Variants in SHROOM3 observed in about 807,000 individuals in gnomAD.
SHROOM3 encodes the protein shroom family member 3.
SHROOM3 carries 47 observed loss-of-function variants against 138.6 expected under a neutral mutation model. That is an observed-to-expected ratio of 0.34 (90% CI 0.27 to 0.43). The LOEUF (loss-of-function observed/expected upper bound fraction) is 0.43, where lower values mean the gene tolerates loss of function less well. Ranked by LOEUF, SHROOM3 falls within the 20% of genes least tolerant of loss-of-function variation. The pLI is 1.00. For synonymous variants in SHROOM3, 1,062 were observed against 1,063.3 expected, an observed-to-expected ratio of 1.00 and a Z score of 0.02; for missense variants, 2,491 against 2,596.5, an observed-to-expected ratio of 0.96 and a Z score of 0.88.
chr4:76,548,338 G>C (rs1733271326), intron 1 of SHROOM3, among the ~76,000 whole-genome samples: 1 of 152,176 alleles, frequency 6.6e-6, no homozygotes, highest in Non-Finnish European at 1.5e-5. Context: ...GTGTGATGAG[G>C]AGGGTCACAG....
Position 76,547,852 on chromosome 4 carries a change from C to T in SHROOM3, c.169-7757C>T, listed in dbSNP as rs1733257251. 2.6e-5 allele frequency among the ~76,000 whole-genome samples: 4 copies of T among 151,854 alleles called. No homozygotes were observed. In the South Asian group the frequency reaches 8.3e-4, roughly 32 times the overall value. On this transcript the variant is annotated intron_variant, in intron 1 of 10. Coordinates refer to ENST00000296043, the MANE Select transcript of SHROOM3 (RefSeq NM_020859.4). ...CACTGAGGCAGGAGAATCACTTGAA[C>T]CCAGGAAGCAGAGGTTGCAGTGAGC...
intron 2 of SHROOM3, among the ~76,000 whole-genome samples, chr4:76,673,993 C>T (rs1457837984): frequency 6.6e-6 from 1 of 152,154 alleles, no homozygotes; most frequent in Admixed American, 6.5e-5. Flanking sequence ...CTGCCTCAGA[C>T]TCCCAAGTAG....
intron 1 of SHROOM3, among the ~76,000 whole-genome samples, chr4:76,497,119 A>G (rs182648316): frequency 6.6e-6 from 1 of 152,192 alleles, no homozygotes; most frequent in South Asian, 2.1e-4. Flanking sequence ...TAGCTGTGTG[A>G]TCTTGGACAA....
At chr4:76,511,133 G>C (rs1405601025) in intron 1 of SHROOM3, among the ~76,000 whole-genome samples, 1 of 151,574 alleles carries the variant, frequency 6.6e-6, no homozygotes, top group Admixed American at 6.6e-5. Flanking sequence ...AGTGAGCCAA[G>C]ATCACGCCAC....
At chr4:76,639,387 T>A in intron 2 of SHROOM3, 1 of 392,822 alleles carries the variant, frequency 2.5e-6, no homozygotes, top group Non-Finnish European at 4.5e-6. Context: ...CAGCAAGGTC[T>A]ATTGCTGCAA....
intron 1 of SHROOM3, among the ~76,000 whole-genome samples, chr4:76,441,752 C>T (rs368788758): frequency 7.0e-4 from 106 of 151,734 alleles, no homozygotes; most frequent in African/African-American, 2.4e-3. Context: ...GATAGAGTTT[C>T]GCTCTTGTTG....
chr4:76,603,909 C>T (rs949073675), intron 2 of SHROOM3, among the ~76,000 whole-genome samples: 1 of 139,084 alleles, frequency 7.2e-6, no homozygotes, highest in Non-Finnish European at 1.5e-5. Context: ...GTGGCGCGAT[C>T]TCAGCTCACT....
At chr4:76,670,530 T>TA (rs1389911964) in intron 2 of SHROOM3, among the ~76,000 whole-genome samples, 1 of 152,218 alleles carries the variant, frequency 6.6e-6, no homozygotes, top group Non-Finnish European at 1.5e-5. Context: ...ATCCATTTAC[T>TA]AAAAATCATT....
chr4:76,482,953 A>T (rs1037697567), intron 1 of SHROOM3, among the ~76,000 whole-genome samples: 5 of 152,244 alleles, frequency 3.3e-5, no homozygotes, highest in Non-Finnish European at 7.3e-5. Flanking sequence ...CCATATGCAG[A>T]AAACTGAAAC....
At chr4:76,677,827 T>C (rs1719084057) in intron 2 of SHROOM3, among the ~76,000 whole-genome samples, 1 of 152,194 alleles carries the variant, frequency 6.6e-6, no homozygotes, top group South Asian at 2.1e-4. Flanking sequence ...ACATCCGGCT[T>C]GGAGTAGAAC....
intron 10 of SHROOM3, among the ~76,000 whole-genome samples, chr4:76,778,528 TG>T (rs1722648085): frequency 1.3e-5 from 2 of 152,156 alleles, no homozygotes; most frequent in Non-Finnish European, 1.5e-5. Context: ...AGCTGATGAT[TG>T]GTTTTTAAAG....
At chr4:76,626,643 T>A (rs971126978) in intron 2 of SHROOM3, among the ~76,000 whole-genome samples, 7 of 152,200 alleles carry the variant, frequency 4.6e-5, no homozygotes, top group Non-Finnish European at 1.0e-4. Flanking sequence ...ATTTGCATCA[T>A]CTCTGATCAT....
At position 76,741,363 on chromosome 4, in the gene SHROOM3, G is replaced by A. The variant is rs1721249970; in HGVS notation, c.3190G>A (p.Asp1064Asn). The change falls in exon 5 of 11, where the codon GAT (aspartate) becomes AAT (asparagine). Residue 1064 changes from aspartate (D) to asparagine (N), a missense_variant. Around this residue, in one of 4 missense-constraint regions of SHROOM3, gnomAD observed 1,733 missense variants for 1,661.6 expected, o/e 1.04. Coordinates refer to ENST00000296043, the MANE Select transcript of SHROOM3 (RefSeq NM_020859.4). The surrounding 1 kb of genome is among the most constrained non-coding windows in gnomAD (Gnocchi z 6.2). ...CGACCGGCGCCGTCTCTTCGAGCGC[G>A]ATGGCAAGGCCTGCTCCACGCTCAG... is the stretch of plus-strand genomic sequence containing the variant. ...VADRRRLFER[D>N]GKACSTLSLS... 7.5e-6 allele frequency: 12 copies of A among 1,607,172 alleles called. No individual in the cohort carries two copies. Among genetic ancestry groups the A allele is most frequent in the Non-Finnish European group, 1.0e-5 (12 of 1,177,704 alleles).
chr4:76,579,265 G>A (rs1317787452), intron 2 of SHROOM3, among the ~76,000 whole-genome samples: 2 of 151,956 alleles, frequency 1.3e-5, no homozygotes, highest in Non-Finnish European at 2.9e-5. Context: ...TCAAGAAATC[G>A]AGACCATCCT....
chr4:76,724,281 T>A (rs1720635583), intron 3 of SHROOM3, among the ~76,000 whole-genome samples: 2 of 152,210 alleles, frequency 1.3e-5, no homozygotes, highest in African/African-American at 4.8e-5. Flanking sequence ...GATATGCTCA[T>A]GATGTGATGT....
At chr4:76,602,138 C>T (rs953073024) in intron 2 of SHROOM3, among the ~76,000 whole-genome samples, 20 of 152,196 alleles carry the variant, frequency 1.3e-4, no homozygotes, top group Non-Finnish European at 2.9e-4. Context: ...GGAGCAATTA[C>T]AGAACGTTCC....
At chr4:76,733,242 C>T (rs953452942) in intron 4 of SHROOM3, among the ~76,000 whole-genome samples, 1 of 152,150 alleles carries the variant, frequency 6.6e-6, no homozygotes. Flanking sequence ...GGAATGGGGC[C>T]GTCAGCACCA....
intron 1 of SHROOM3, among the ~76,000 whole-genome samples, chr4:76,467,647 T>C (rs1009384122): frequency 1.3e-5 from 2 of 152,156 alleles, no homozygotes; most frequent in Admixed American, 6.5e-5. Flanking sequence ...GAGAGCCCCT[T>C]ACAAGTGAAG....
intron 2 of SHROOM3, among the ~76,000 whole-genome samples, chr4:76,694,379 TTTG>T (rs1364317332): frequency 6.6e-6 from 1 of 152,162 alleles, no homozygotes; most frequent in Non-Finnish European, 1.5e-5. Context: ...TTTTTTGTGT[TTTG>T]TTGTTTGTTT....
Sources: gnomAD v4.1 joint callset for allele counts (sites outside exome capture counted in the v4.1 genomes callset) on GRCh38, gnomAD v4.1.1 for gene constraint, gnomAD v4.1.1 regional missense constraint, Gnocchi (gnomAD v3.1) non-coding constraint, MANE v1.5 for transcripts, NCBI Gene and HGNC (gene_info 2026-07-23, HGNC 2026-07-21) for gene names.